TULP4: variants seen among roughly 807,000 people sequenced by gnomAD.
TULP4 encodes tubby-related protein 4.
TULP4 carries 16 observed loss-of-function variants against 129.0 expected under a neutral mutation model. The ratio of observed to expected loss-of-function variants is 0.12; its 90% CI spans 0.08 to 0.19. The LOEUF (loss-of-function observed/expected upper bound fraction) is 0.19. TULP4 is among the 10% of genes least tolerant of loss of function. The pLI is 1.00. For missense variants in TULP4, 1,842 were observed against 2,059.1 expected, an observed-to-expected ratio of 0.89 and a Z score of 2.04; for synonymous variants, 998 against 854.0, an observed-to-expected ratio of 1.17 and a Z score of -2.94.
upstream of TULP4, among the ~76,000 whole-genome samples, chr6:158,311,046 C>T (rs1054083808): frequency 1.3e-5 from 2 of 151,908 alleles, no homozygotes; most frequent in African/African-American, 4.8e-5. Flanking sequence ...TGCAGTTTGA[C>T]CCACTGTTGA....
rs561493781 is a variant in TULP4 at position 158,417,304 on chromosome 6, A to T, written c.381+4111A>T. The stretch of plus-strand genomic sequence containing the variant: ...TCTTTCCATTGAGGGTTTGGAGCAG[A>T]TATTAGAAACAAGAAAGGGAGAATG... On this transcript the variant is annotated intron_variant, in intron 2 of 13. Coordinates refer to ENST00000367097, the MANE Select transcript of TULP4 (RefSeq NM_020245.5). 2.0e-5 allele frequency among the ~76,000 whole-genome samples: 3 copies of T among 152,292 alleles called. No homozygotes were observed. In the East Asian group the frequency reaches 5.8e-4, roughly 29 times the overall value.
rs765123369 is a variant in TULP4, at chr6:158,502,700, G to A, written c.3037G>A (p.Ala1013Thr). ...CCCGCGGGCCCCCCTGCAGCCCCTGGCCAAGTCCAAGGGCGGGCCCGGGGG... is the reference window on the plus strand; with the variant it reads ...CCCGCGGGCCCCCCTGCAGCCCCTGACCAAGTCCAAGGGCGGGCCCGGGGG... ...DSPRAPLQPL[A>T]KSKGGPGGVV... Residue 1013 changes from alanine (A) to threonine (T), a missense_variant, in exon 13 of 14, where the codon GCC becomes ACC. Transcript: ENST00000367097. 187 of 1,558,738 alleles carry A rather than the reference G, an allele frequency of 1.2e-4. No homozygotes were observed. The highest frequency in any genetic ancestry group is 4.1e-5 in the Non-Finnish European group (48 of 1,157,532).
chr6:158,325,363 T>TTC (rs1451861336), intron 1 of TULP4, among the ~76,000 whole-genome samples: 12 of 150,554 alleles, frequency 8.0e-5, no homozygotes, highest in Admixed American at 7.3e-4. Flanking sequence ...TTCTTTTTTT[T>TTC]TTTTTTTCAG....
intron 1 of TULP4, among the ~76,000 whole-genome samples, chr6:158,246,023 G>GGGTGTGT (rs113914160): frequency 2.7e-4 from 39 of 145,920 alleles, no homozygotes; most frequent in Middle Eastern, 7.1e-3. Context: ...ACCCCTTAGG[G>GGGTGTGT]GTGTGTGTGT....
intron 1 of TULP4, chr6:158,241,992 ATTTTGGTCCTTG>A: frequency 2.3e-6 from 2 of 883,638 alleles, no homozygotes; most frequent in Non-Finnish European, 3.9e-6. Context: ...AGTCAAAGAC[ATTTTGGTCCTTG>A]TTAATGGTAA....
At chr6:158,238,258 C>G in intron 1 of TULP4, 1 of 1,131,090 alleles carries the variant, frequency 8.8e-7, no homozygotes, top group Admixed American at 1.7e-5. Context: ...CCTGAAGCAG[C>G]TCTATTGCTT....
intron 1 of TULP4, among the ~76,000 whole-genome samples, chr6:158,276,908 GTCT>G (rs549628616): frequency 6.8e-4 from 104 of 152,132 alleles, no homozygotes; most frequent in African/African-American, 2.4e-3. Flanking sequence ...ACCTCTGCTG[GTCT>G]TCTTTTTTTT....
intron 1 of TULP4, among the ~76,000 whole-genome samples, chr6:158,402,601 C>T (rs1460525176): frequency 1.3e-5 from 2 of 152,200 alleles, no homozygotes; most frequent in African/African-American, 2.4e-5. Context: ...GCATTTTAGA[C>T]ATTATTGTTG....
Position 158,502,640 on chromosome 6 carries a change from G to A in TULP4, c.2977G>A (p.Glu993Lys). Reference sequence around the variant, plus strand: ...CGCTACCCTGCGGAGGAACAACCGTGAGGCTACGCTCAAGATGGCCCAGCT... The same window carrying A: ...CGCTACCCTGCGGAGGAACAACCGTAAGGCTACGCTCAAGATGGCCCAGCT... ...IHATLRRNNR[E>K]ATLKMAQLAD... The change falls in exon 13 of 14, where the codon GAG becomes AAG. Residue 993 changes from glutamate (E) to lysine (K), a missense_variant. Transcript: ENST00000367097. 6.3e-7 allele frequency: 1 copy of A among 1,587,162 alleles called. No homozygotes were observed. Among genetic ancestry groups the A allele is most frequent in the South Asian group, 1.1e-5 (1 of 89,398 alleles).
chr6:158,262,096 T>C (rs1778363003), intron 1 of TULP4, among the ~76,000 whole-genome samples: 1 of 152,180 alleles, frequency 6.6e-6, no homozygotes, highest in Non-Finnish European at 1.5e-5. Flanking sequence ...GACTGGACAC[T>C]GGGTAGAGGG....
intron 1 of TULP4, among the ~76,000 whole-genome samples, chr6:158,340,490 C>T (rs1002318150): frequency 2.6e-5 from 4 of 152,042 alleles, no homozygotes; most frequent in Non-Finnish European, 4.4e-5. Flanking sequence ...GATATTATCC[C>T]TCTGGAGGAA....
chr6:158,504,782 G>A (rs1177143796), intron 13 of TULP4, among the ~76,000 whole-genome samples: 3 of 152,002 alleles, frequency 2.0e-5, no homozygotes, highest in Non-Finnish European at 2.9e-5. Context: ...GTGAGCCAAC[G>A]CACCTGGCCT....
At position 158,269,353 on chromosome 6, in the gene TULP4, C is replaced by G. The variant is rs144208148; in HGVS notation, n.68+37050C>G. On this transcript the variant is annotated intron_variant and non_coding_transcript_variant, in intron 1 of 1. Coordinates refer to the TULP4 transcript ENST00000620026. ...GTGACTTTTCATAACCTTACTTAAA[C>G]TCTTTGAACTTTAGTTTCAGCATTT... Among the ~76,000 whole-genome samples the G allele has an allele frequency of 6.6e-3, 961 of 145,920 alleles. 5 individuals are homozygous for G. Among genetic ancestry groups the G allele is most frequent in the Non-Finnish European group, 9.6e-3 (642 of 67,078 alleles).
chr6:158,481,397 T>C (rs1779942309), intron 8 of TULP4, 108 bp downstream of exon 8: 2 of 995,504 alleles, frequency 2.0e-6, no homozygotes, highest in Non-Finnish European at 3.1e-6. Context: ...CGTGAGCCTG[T>C]GGGGGCTAGT....
In TULP4 at chr6:158,365,761, G is replaced by A. The variant is rs140312585; in HGVS notation, c.253-47304G>A. On this transcript the variant is annotated intron_variant, in intron 1 of 13. Transcript: ENST00000367097. ...GCTGGGATTACAGGCATGAGCTACC[G>A]CGCCCGGCCTGGAAGTTTTAACACA... is the stretch of plus-strand genomic sequence containing the variant. Among the ~76,000 whole-genome samples, 387 of 151,728 alleles carry A rather than the reference G, an allele frequency of 2.6e-3. 1 individual carries two copies. The highest frequency in any genetic ancestry group is 8.8e-3 in the African/African-American group (366 of 41,380).
chr6:158,368,660 C>T (rs1264601288), intron 1 of TULP4, among the ~76,000 whole-genome samples: 1 of 152,162 alleles, frequency 6.6e-6, no homozygotes, highest in African/African-American at 2.4e-5. Context: ...GAGCCTTCGT[C>T]TTAAAAGAGG....
intron 1 of TULP4, among the ~76,000 whole-genome samples, chr6:158,360,175 G>A (rs1158315920): frequency 6.6e-6 from 1 of 150,946 alleles, no homozygotes; most frequent in African/African-American, 2.4e-5. Context: ...CAAATTAACA[G>A]ATTTCATGCC....
chr6:158,493,080 G>A lies in TULP4; in HGVS notation c.1632-493G>A, dbSNP rs1269439644. ...CCCAGGACTGATTGTGCAGGCCCCT[G>A]GCAGAAGGCCATTTCCACGCTTGCT... On this transcript the variant is annotated intron_variant, in intron 9 of 13. Transcript: ENST00000367097. This position sits in a 1 kb window ranked among gnomAD's most constrained non-coding sequence, Gnocchi z 4.4. Among the ~76,000 whole-genome samples the A allele has an allele frequency of 6.6e-6, 1 of 152,216 alleles. No homozygotes were observed. Among genetic ancestry groups the A allele is most frequent in the Non-Finnish European group, 1.5e-5 (1 of 68,040 alleles).
intron 1 of TULP4, among the ~76,000 whole-genome samples, chr6:158,290,110 A>AT (rs35748600): frequency 6.6e-6 from 1 of 151,772 alleles, no homozygotes; most frequent in East Asian, 1.9e-4. Flanking sequence ...TAATTTTAAA[A>AT]TTTTTTGTAG....
Sources: allele counts gnomAD v4.1 joint callset (sites outside exome capture counted in the v4.1 genomes callset), GRCh38; gene constraint gnomAD v4.1.1; non-coding constraint Gnocchi (gnomAD v3.1); transcripts MANE v1.5; gene names NCBI Gene and HGNC (gene_info 2026-07-23, HGNC 2026-07-21).